HPSE2: variants seen among roughly 807,000 people sequenced by gnomAD.
The protein encoded by HPSE2 is inactive heparanase-2.
In HPSE2, 38 loss-of-function variants were observed where a neutral mutation model predicts 60.5. The ratio of observed to expected loss-of-function variants is 0.63; its 90% CI spans 0.48 to 0.82. The LOEUF is 0.82. Among genes scored for constraint, HPSE2 ranks in the 40% least tolerant of loss-of-function variants. HPSE2 has a pLI of 0.00. For missense variants in HPSE2, 713 were observed against 740.4 expected, an observed-to-expected ratio of 0.96 and a Z score of 0.43; for synonymous variants, 295 against 293.2, an observed-to-expected ratio of 1.01 and a Z score of -0.06.
At chr10:98,800,939 C>T (rs1444706933) in intron 3 of HPSE2, among the ~76,000 whole-genome samples, 1 of 152,100 alleles carries the variant, frequency 6.6e-6, no homozygotes, top group Non-Finnish European at 1.5e-5. Flanking sequence ...AAACTACAGG[C>T]CAATATCTCT....
At chr10:99,086,346 C>CTTTTTTTTTT (rs66562418) in intron 3 of HPSE2, among the ~76,000 whole-genome samples, 2 of 83,010 alleles carry the variant, frequency 2.4e-5, no homozygotes, top group Admixed American at 1.8e-4. Context: ...AAAGTACTTT[C>CTTTTTTTTTT]TTTTTTTTTT....
chr10:99,165,748 T>C (rs1847054736), intron 2 of HPSE2, among the ~76,000 whole-genome samples: 2 of 151,980 alleles, frequency 1.3e-5, no homozygotes, highest in Admixed American at 6.6e-5. Flanking sequence ...GGTTTCACCA[T>C]GCTGGTCAGG....
chr10:98,944,192 C>T (rs1955110629), intron 3 of HPSE2, among the ~76,000 whole-genome samples: 1 of 152,156 alleles, frequency 6.6e-6, no homozygotes, highest in South Asian at 2.1e-4. Context: ...GAATGATTGA[C>T]ATGAGTCCAT....
At chr10:98,881,440 T>C (rs1259357517) in intron 3 of HPSE2, among the ~76,000 whole-genome samples, 2 of 151,998 alleles carry the variant, frequency 1.3e-5, no homozygotes, top group South Asian at 2.1e-4. Flanking sequence ...GCAACCAAAT[T>C]AAATATAGCA....
intron 3 of HPSE2, among the ~76,000 whole-genome samples, chr10:99,087,405 A>T (rs183510920): frequency 1.9e-4 from 29 of 152,324 alleles, no homozygotes; most frequent in Non-Finnish European, 3.7e-4. Context: ...CTGCCCTTGG[A>T]TACACGTAAG....
chr10:98,782,942 T>A (rs899577559), intron 3 of HPSE2, among the ~76,000 whole-genome samples: 4 of 4,824 alleles, frequency 8.3e-4, no homozygotes, highest in Non-Finnish European at 1.4e-3. Context: ...TTTTTTAATG[T>A]TTTTTTTTTT....
chr10:99,076,098 T>C (rs1216906920), intron 3 of HPSE2, among the ~76,000 whole-genome samples: 1 of 152,094 alleles, frequency 6.6e-6, no homozygotes. Context: ...TGCTTTCTGT[T>C]TGTCTTGTAA....
intron 9 of HPSE2, among the ~76,000 whole-genome samples, chr10:98,569,885 C>T (rs1372690247): frequency 1.3e-5 from 2 of 152,168 alleles, no homozygotes; most frequent in Non-Finnish European, 2.9e-5. Flanking sequence ...CCTCCTGGGT[C>T]CTCCAACTCC....
intron 3 of HPSE2, among the ~76,000 whole-genome samples, chr10:99,139,499 AATATAT>A (rs141419107): frequency 6.6e-6 from 1 of 151,100 alleles, no homozygotes; most frequent in Non-Finnish European, 1.5e-5. Context: ...AGAGAGGTTA[AATATAT>A]ATATATATGT....
intron 3 of HPSE2, among the ~76,000 whole-genome samples, chr10:98,790,441 G>A (rs551457271): frequency 2.1e-4 from 32 of 152,178 alleles, no homozygotes; most frequent in African/African-American, 2.4e-4. Flanking sequence ...TAAAAAAGTC[G>A]ATCTCATAGA....
At chr10:99,039,984 A>C (rs1157112966) in intron 3 of HPSE2, among the ~76,000 whole-genome samples, 1 of 152,182 alleles carries the variant, frequency 6.6e-6, no homozygotes, top group Non-Finnish European at 1.5e-5. Context: ...TTAAAACTAT[A>C]TGTAACTGCT....
chr10:98,751,785 GA>G (rs1949764013), intron 3 of HPSE2, among the ~76,000 whole-genome samples: 1 of 152,186 alleles, frequency 6.6e-6, no homozygotes, highest in Non-Finnish European at 1.5e-5. Context: ...ACATGCAATG[GA>G]AAGGGGCCTA....
intron 7 of HPSE2, among the ~76,000 whole-genome samples, chr10:98,630,810 A>C (rs1946349301): frequency 6.6e-6 from 1 of 152,212 alleles, no homozygotes; most frequent in African/African-American, 2.4e-5. Flanking sequence ...GAGAAAGCTA[A>C]GTTTCAGAGA....
chr10:98,981,722 C>A (rs973825730), intron 3 of HPSE2, among the ~76,000 whole-genome samples: 1 of 152,026 alleles, frequency 6.6e-6, no homozygotes, highest in Non-Finnish European at 1.5e-5. Context: ...GTCCTTCTCC[C>A]CTTCTAACCC....
rs551493038 is a variant in HPSE2 at position 98,522,703 on chromosome 10, C to T, written c.1321-32507G>A. 5.3e-5 allele frequency among the ~76,000 whole-genome samples: 8 copies of T among 152,322 alleles called. No individual in the cohort carries two copies. The South Asian group carries it at 1.7e-3, about 32-fold the overall frequency. ...ATATTGGCCAGGCTGGTTTCAAACT[C>T]CTCACCTCAGGTGATCTGCCCGCCT... On this transcript the variant is annotated intron_variant, in intron 9 of 11. Coordinates refer to ENST00000370552, the MANE Select transcript of HPSE2 (RefSeq NM_021828.5).
intron 3 of HPSE2, among the ~76,000 whole-genome samples, chr10:99,128,702 A>G (rs7918646): frequency 0.84 from 128,066 of 152,004 alleles, 55,008 homozygotes; most frequent in South Asian, 0.97. Context: ...AGGGGAAGAA[A>G]AGCATTAGGA....
At chr10:98,535,176 T>A (rs965746407) in intron 9 of HPSE2, among the ~76,000 whole-genome samples, 11 of 152,214 alleles carry the variant, frequency 7.2e-5, no homozygotes, top group Non-Finnish European at 1.3e-4. Flanking sequence ...TAGATAATAA[T>A]GAACAATTTT....
At position 98,718,017 on chromosome 10, in the gene HPSE2, A is replaced by C. The variant is rs538316855; in HGVS notation, c.956+3640T>G. Among the ~76,000 whole-genome samples the C allele has an allele frequency of 4.6e-5, 7 of 152,234 alleles. No individual in the cohort carries two copies. In the East Asian group the frequency reaches 1.4e-3, roughly 29 times the overall value. ...TTTTGTAGGCAGAGCTTGTTGAACAATATGAGACAAGAAAAACCATAATGA... is the reference window on the plus strand; with the variant it reads ...TTTTGTAGGCAGAGCTTGTTGAACACTATGAGACAAGAAAAACCATAATGA... On this transcript the variant is annotated intron_variant, in intron 5 of 11. Transcript: ENST00000370552.
chr10:98,520,292 T>C (rs1942745666), intron 9 of HPSE2, among the ~76,000 whole-genome samples: 1 of 152,180 alleles, frequency 6.6e-6, no homozygotes, highest in African/African-American at 2.4e-5. Context: ...GGGTCTTTTC[T>C]GAGGAAAAGA....
Sources: allele counts gnomAD v4.1 joint callset (sites outside exome capture counted in the v4.1 genomes callset), GRCh38; gene constraint gnomAD v4.1.1; transcripts MANE v1.5; gene names NCBI Gene and HGNC (gene_info 2026-07-23, HGNC 2026-07-21).